FXYD2: variants seen among roughly 807,000 people sequenced by gnomAD.
FXYD2 encodes the protein sodium/potassium-transporting ATPase subunit gamma.
A neutral mutation model predicts 11.8 loss-of-function variants in FXYD2; 8 were observed. The ratio of observed to expected loss-of-function variants is 0.68; its 90% CI spans 0.40 to 1.22. The LOEUF is 1.22. Among genes scored for constraint, FXYD2 ranks in the 50% most tolerant of loss-of-function variants. FXYD2 has a pLI of 0.01. For synonymous variants in FXYD2, 42 were observed against 33.3 expected (o/e 1.26, Z -0.90); for missense variants, 92 against 91.8 (o/e 1.00, Z -0.01).
At chr11:117,823,230 T>C (rs908622417) in intron 1 of FXYD2, among the ~76,000 whole-genome samples, 5 of 152,218 alleles carry the variant, frequency 3.3e-5, no homozygotes, top group African/African-American at 1.2e-4. Context: ...TTTCCTGCGT[T>C]ACCATCCTCA....
At position 117,822,340 on chromosome 11, in the gene FXYD2, G is replaced by A; in HGVS notation, c.139+66C>T. 1 of 1,549,806 alleles carries A rather than the reference G, an allele frequency of 6.5e-7. No homozygotes were observed. The highest frequency in any genetic ancestry group is 8.7e-7 in the Non-Finnish European group (1 of 1,146,862). On this transcript the variant is annotated intron_variant, in intron 3 of 5. Transcript: ENST00000292079. This position sits in a 1 kb window ranked among gnomAD's most constrained non-coding sequence, Gnocchi z 4.7. Reference sequence around the variant, plus strand: ...CTTGGCAACTCCCGAAAGCCAGCCTGCTCAGCGGCCTTGAGAAGAGAGGTG... The same window carrying A: ...CTTGGCAACTCCCGAAAGCCAGCCTACTCAGCGGCCTTGAGAAGAGAGGTG...
chr11:117,821,679 C>T (rs501171), intron 3 of FXYD2: 190,886 of 984,944 alleles, frequency 0.19, 18,883 homozygotes, highest in South Asian at 0.29. Flanking sequence ...GACTGTGGCC[C>T]GAGCCTTGGG....
Position 117,822,806 on chromosome 11 carries a change from A to G in FXYD2, c.26-89T>C, listed in dbSNP as rs2055941632. The stretch of plus-strand genomic sequence containing the variant: ...TGGAATTCCCTGTCCTTCCCTTCCC[A>G]GAGGACCCTCGAGGGTCCAAGCAGG... On this transcript the variant is annotated intron_variant, in intron 1 of 5. Transcript: ENST00000292079. The surrounding 1 kb of genome is among the most constrained non-coding windows in gnomAD (Gnocchi z 4.7). The G allele has an allele frequency of 6.5e-7, 1 of 1,543,226 alleles. No individual in the cohort carries two copies. Among genetic ancestry groups the G allele is most frequent in the Non-Finnish European group, 8.8e-7 (1 of 1,139,860 alleles).
Position 117,820,702 on chromosome 11 carries a change from G to A in FXYD2, c.177-6C>T, listed in dbSNP as rs778525146. On this transcript the variant is annotated splice_polypyrimidine_tract_variant and splice_region_variant and intron_variant, in intron 4 of 5. Coordinates refer to ENST00000292079, the MANE Select transcript of FXYD2 (RefSeq NM_001680.5). ...GCTCATCTTCATTGATTTGCCTGGT[G>A]GGGGAAGGAAAAGCAACAGGTGAGA... 2.2e-5 allele frequency: 36 copies of A among 1,613,836 alleles called. No individual in the cohort carries two copies. The Middle Eastern group carries it at 6.6e-4, about 29-fold the overall frequency.
chr11:117,820,398 T>G (rs1591531744), intron 5 of FXYD2, 26 bp from the exon 6 acceptor site: 2 of 537,280 alleles, frequency 3.7e-6, no homozygotes, highest in Non-Finnish European at 6.6e-6. Context: ...CAGGATGGGG[T>G]TGGGTGGGAG....
Position 117,820,660 on chromosome 11 carries a change from G to T in FXYD2, c.*6+6C>A, listed in dbSNP as rs11827585. 9.6e-3 allele frequency: 15,567 copies of T among 1,613,678 alleles called. 85 individuals carry two copies. Among genetic ancestry groups the T allele is most frequent in the Non-Finnish European group, 0.012 (13,693 of 1,179,808 alleles). ...CCCGCACCTTCCCCAGGCCCTCCTA[G>T]CATACCTGCTGTTACGGCTCATCTT... On this transcript the variant is annotated splice_donor_region_variant and intron_variant, in intron 5 of 5. Transcript: ENST00000292079.
upstream of FXYD2, among the ~76,000 whole-genome samples, chr11:117,825,747 G>T (rs1000549075): frequency 1.3e-5 from 2 of 152,186 alleles, no homozygotes; most frequent in African/African-American, 4.8e-5. Flanking sequence ...GTGCCGGGTA[G>T]TCACAGGTAC....
At position 117,824,549 on chromosome 11, in the gene FXYD2, G is replaced by T; in HGVS notation, c.25+105C>A. The T allele has an allele frequency of 1.1e-6, 1 of 918,010 alleles. No homozygotes were observed. 56.9% of individuals were successfully genotyped at this position (918,010 alleles called of 1,614,324 possible). A position where few individuals can be genotyped will look rare whatever the true frequency, so the allele number is the denominator to read the frequency against. ...GGGGCTGGGTACTCTGGAAGGCTGA[G>T]GTGGCAGGAGAGGGAAGAGTAGGGT... On this transcript the variant is annotated intron_variant, in intron 1 of 5. Transcript: ENST00000292079. The surrounding 1 kb of genome is among the most constrained non-coding windows in gnomAD (Gnocchi z 4.0).
At chr11:117,820,967 TTCCAGTCTC>T (rs1475640988) in intron 3 of FXYD2, 72 bp from the exon 4 acceptor site, 1 of 1,611,080 alleles carries the variant, frequency 6.2e-7, no homozygotes, top group African/African-American at 1.3e-5. Flanking sequence ...CTCAAAATTC[TTCCAGTCTC>T]TCCTACCTCC....
rs574797597 is a variant in FXYD2 at position 117,821,233 on chromosome 11, T to A, written c.140-338A>T. 231 of 494,246 alleles carry A rather than the reference T, an allele frequency of 4.7e-4. 1 individual carries two copies. Among genetic ancestry groups the A allele is most frequent in the Admixed American group, 1.0e-3 (17 of 16,686 alleles). 30.6% of individuals were successfully genotyped at this position (494,246 alleles called of 1,614,324 possible). A position where few individuals can be genotyped will look rare whatever the true frequency, so the allele number is the denominator to read the frequency against. ...CACCATGCCCAGCTAATTAAAAAAA[T>A]TTTTTTTTGTATAGATCGGGTCTCA... On this transcript the variant is annotated intron_variant, in intron 3 of 5. Coordinates refer to ENST00000292079, the MANE Select transcript of FXYD2 (RefSeq NM_001680.5).
chr11:117,827,048 A>G (rs888073169), upstream of FXYD2, among the ~76,000 whole-genome samples: 2 of 151,650 alleles, frequency 1.3e-5, no homozygotes, highest in Admixed American at 6.6e-5. Flanking sequence ...GTGCATGGGG[A>G]GGCACCAACA....
At chr11:117,824,760 G>T, upstream of FXYD2, 1 of 1,580,228 alleles carries the variant, frequency 6.3e-7, no homozygotes, top group South Asian at 1.1e-5. The surrounding 1 kb of genome is among the most constrained non-coding windows in gnomAD (Gnocchi z 4.0). Context: ...CCTCCACGGG[G>T]TGGCCGGGGA....
upstream of FXYD2, among the ~76,000 whole-genome samples, chr11:117,826,097 G>T (rs1305406986): frequency 1.3e-5 from 2 of 152,196 alleles, no homozygotes; most frequent in African/African-American, 4.8e-5. Context: ...ATATCCCAGG[G>T]CCTGGCACAC....
At chr11:117,821,558 G>A (rs566210706) in intron 3 of FXYD2, 1 of 985,902 alleles carries the variant, frequency 1.0e-6, no homozygotes, top group African/African-American at 1.7e-5. Flanking sequence ...ACTCCAAAGT[G>A]GAGCCCCTTG....
At chr11:117,827,190 TAG>T (rs1348184034), upstream of FXYD2, among the ~76,000 whole-genome samples, 1 of 152,200 alleles carries the variant, frequency 6.6e-6, no homozygotes, top group Non-Finnish European at 1.5e-5. Flanking sequence ...TAGGGAAAGC[TAG>T]TTGATGGCTA....
chr11:117,824,500 T>C lies in FXYD2; in HGVS notation c.25+154A>G. 1 of 709,934 alleles carries C rather than the reference T, an allele frequency of 1.4e-6. No homozygotes were observed. The highest frequency in any genetic ancestry group is 2.6e-6 in the Non-Finnish European group (1 of 390,376). 44.0% of individuals were successfully genotyped at this position (709,934 alleles called of 1,614,324 possible). A position where few individuals can be genotyped will look rare whatever the true frequency, so the allele number is the denominator to read the frequency against. Reference sequence around the variant, plus strand: ...GTCCTCCTTTAAGTTGCAAATTTTCTTAGAGAGGAGGCCGACAGGAAGAGG... The same window carrying C: ...GTCCTCCTTTAAGTTGCAAATTTTCCTAGAGAGGAGGCCGACAGGAAGAGG... On this transcript the variant is annotated intron_variant, in intron 1 of 5. Coordinates refer to ENST00000292079, the MANE Select transcript of FXYD2 (RefSeq NM_001680.5). The surrounding 1 kb of genome is among the most constrained non-coding windows in gnomAD (Gnocchi z 4.0).
chr11:117,827,701 A>T (rs1253151570), upstream of FXYD2, among the ~76,000 whole-genome samples: 1 of 152,220 alleles, frequency 6.6e-6, no homozygotes, highest in Non-Finnish European at 1.5e-5. Context: ...CAAGATTTCA[A>T]GCCAGCAGCC....
upstream of FXYD2, among the ~76,000 whole-genome samples, chr11:117,825,242 T>TG (rs924187516): frequency 1.7e-4 from 26 of 152,186 alleles, no homozygotes; most frequent in African/African-American, 6.3e-4. Context: ...CCGCCAAAGC[T>TG]GACCAGCAGT....
At position 117,820,689 on chromosome 11, in the gene FXYD2, T is replaced by G; in HGVS notation, c.184A>C (p.Asn62His). 6.2e-7 allele frequency: 1 copy of G among 1,614,042 alleles called. No homozygotes were observed. The highest frequency in any genetic ancestry group is 8.5e-7 in the Non-Finnish European group (1 of 1,180,002). Residue 62 changes from asparagine to histidine, a missense_variant, in exon 5 of 6, where the codon AAT (asparagine) becomes CAT (histidine). Asn to His is a moderately conservative substitution (Grantham distance 68, BLOSUM62 1). Coordinates refer to ENST00000292079, the MANE Select transcript of FXYD2 (RefSeq NM_001680.5). The part of the protein sequence containing the change: ...CGGNKKRRQI[N>H]EDEP Reference sequence around the variant, plus strand: ...ACCTGCTGTTACGGCTCATCTTCATTGATTTGCCTGGTGGGGGAAGGAAAA... The same window carrying G: ...ACCTGCTGTTACGGCTCATCTTCATGGATTTGCCTGGTGGGGGAAGGAAAA...
Sources: allele counts gnomAD v4.1 joint callset (sites outside exome capture counted in the v4.1 genomes callset), GRCh38; gene constraint gnomAD v4.1.1; non-coding constraint Gnocchi (gnomAD v3.1); transcripts MANE v1.5; gene names NCBI Gene and HGNC (gene_info 2026-07-23, HGNC 2026-07-21).